Variants in FMR1NB observed in about 807,000 individuals in gnomAD.
FMR1NB encodes FMR1 neighbor protein.
Under a neutral mutation model 16.8 loss-of-function variants are expected in FMR1NB, and 10 were observed. That is an observed-to-expected ratio of 0.60 (90% CI 0.37 to 1.01). FMR1NB has a LOEUF of 1.01. Ranked by LOEUF, FMR1NB falls within the 50% of genes least tolerant of loss-of-function variation. The pLI is 0.01. For synonymous variants in FMR1NB, 83 were observed against 79.1 expected, an observed-to-expected ratio of 1.05 and a Z score of -0.26; for missense variants, 205 against 204.8, an observed-to-expected ratio of 1.00 and a Z score of 0.00.
At chrX:148,025,956 C>T (rs964421615) in intron 5 of FMR1NB, 1 of 110,426 alleles carries the variant, frequency 9.1e-6, no homozygotes, top group Non-Finnish European at 1.9e-5. Flanking sequence ...TTCATTTCAC[C>T]AATCTTCAGA....
intron 2 of FMR1NB, 130 bp downstream of exon 2, chrX:148,003,450 T>C: frequency 1.4e-6 from 1 of 708,680 alleles, no homozygotes; most frequent in Non-Finnish European, 2.0e-6. Flanking sequence ...CTGGCTCTGC[T>C]CTTTGGCTTA....
chrX:147,984,582 ATTAAT>A (rs1557186921), intron 1 of FMR1NB, among the ~76,000 whole-genome samples: 1 of 112,186 alleles, frequency 8.9e-6, no homozygotes, highest in Non-Finnish European at 1.9e-5. Context: ...AAATTGTGAA[ATTAAT>A]TTATTAGCTC....
Position 147,986,864 on chromosome X carries a change from A to G in FMR1NB, c.277+5185A>G, listed in dbSNP as rs782494685. Reference sequence around the variant, plus strand: ...TTTTCTAGTTCTGTGAAGAAAGCCAATGGTATCTTGATGGGAATAGCAACG... The same window carrying G: ...TTTTCTAGTTCTGTGAAGAAAGCCAGTGGTATCTTGATGGGAATAGCAACG... On this transcript the variant is annotated intron_variant, in intron 1 of 5. Coordinates refer to ENST00000370467, the MANE Select transcript of FMR1NB (RefSeq NM_152578.3). 8.0e-5 allele frequency among the ~76,000 whole-genome samples: 9 copies of G among 111,819 alleles called. No individual in the cohort carries two copies. In the East Asian group the frequency reaches 1.7e-3, roughly 21 times the overall value.
Position 147,981,538 on chromosome X carries a change from G to A in FMR1NB, c.136G>A (p.Glu46Lys), listed in dbSNP as rs149919226. ...TCCCGAGAGCAGCCATCCTGGATAC[G>A]AGGCCGCCATGGCTGACAGGCCTCA... Reference protein sequence around the residue: ...SNPESSHPGYEAAMADRPQPG... With the variant: ...SNPESSHPGYKAAMADRPQPG... The change falls in exon 1 of 6, where the codon GAG becomes AAG. Residue 46 changes from glutamate (E) to lysine (K), a missense_variant. Transcript: ENST00000370467. The A allele has an allele frequency of 1.7e-5, 21 of 1,210,161 alleles. No homozygotes were observed. The African/African-American group carries it at 3.0e-4, about 17-fold the overall frequency.
intron 4 of FMR1NB, among the ~76,000 whole-genome samples, chrX:148,011,664 G>A (rs782004919): frequency 6.3e-5 from 7 of 111,631 alleles, no homozygotes; most frequent in Non-Finnish European, 1.3e-4. Flanking sequence ...TAGAGGTGCC[G>A]TTTCAGGTCG....
At chrX:147,986,718 T>C (rs1450268084) in intron 1 of FMR1NB, among the ~76,000 whole-genome samples, 1 of 111,850 alleles carries the variant, frequency 8.9e-6, no homozygotes, top group East Asian at 2.8e-4. Flanking sequence ...TTTTGGTTAC[T>C]GTAGTCTTGT....
intron 1 of FMR1NB, among the ~76,000 whole-genome samples, chrX:147,986,413 G>T (rs782783656): frequency 8.9e-6 from 1 of 112,104 alleles, no homozygotes; most frequent in South Asian, 3.7e-4. Flanking sequence ...GTCCTGAATG[G>T]TATTGCCTAG....
intron 1 of FMR1NB, among the ~76,000 whole-genome samples, chrX:147,991,236 TCTC>T (rs1269422517): frequency 9.1e-6 from 1 of 110,003 alleles, no homozygotes; most frequent in African/African-American, 3.3e-5. Context: ...TTCTCCCTCA[TCTC>T]CTCTCACAAG....
chrX:148,009,566 G>A (rs1250740918), intron 4 of FMR1NB, among the ~76,000 whole-genome samples: 1 of 108,061 alleles, frequency 9.3e-6, no homozygotes, highest in Non-Finnish European at 1.9e-5. Context: ...GGGTATAGAG[G>A]TACAGAGCAC....
chrX:148,011,076 C>A (rs1306998725), intron 4 of FMR1NB, among the ~76,000 whole-genome samples: 2 of 110,561 alleles, frequency 1.8e-5, no homozygotes, highest in Admixed American at 9.7e-5. Context: ...CCAGCCTGAA[C>A]AACATGGTGA....
At chrX:148,003,075 G>A in intron 1 of FMR1NB, 126 bp from the exon 2 acceptor site, 2 of 715,334 alleles carry the variant, frequency 2.8e-6, no homozygotes, top group East Asian at 3.3e-5. Context: ...GTTATGAGAT[G>A]AAAGTATATC....
chrX:148,016,839 T>A (rs2124626647), intron 4 of FMR1NB, among the ~76,000 whole-genome samples: 1 of 111,243 alleles, frequency 9.0e-6, no homozygotes, highest in Admixed American at 9.6e-5. Context: ...TTGTTGCAGT[T>A]AATATTTTTG....
chrX:148,026,141 T>C (rs1362878850), intron 5 of FMR1NB: 1 of 111,729 alleles, frequency 9.0e-6, no homozygotes, highest in Non-Finnish European at 1.9e-5. Context: ...TATTACCTTG[T>C]ATTAGTTTAA....
intron 4 of FMR1NB, among the ~76,000 whole-genome samples, chrX:148,018,192 C>T (rs2044660251): frequency 1.8e-5 from 2 of 111,256 alleles, no homozygotes; most frequent in East Asian, 2.8e-4. Context: ...CACATCCTCT[C>T]CAGCACCTGT....
intron 1 of FMR1NB, 132 bp from the exon 2 acceptor site, chrX:148,003,069 T>A (rs947896319): frequency 1.2e-5 from 8 of 668,466 alleles, no homozygotes; most frequent in Non-Finnish European, 1.8e-5. Flanking sequence ...TAAGCTGTTA[T>A]GAGATGAAAG....
At chrX:148,018,110 G>A (rs868924239) in intron 4 of FMR1NB, among the ~76,000 whole-genome samples, 20 of 109,712 alleles carry the variant, frequency 1.8e-4, no homozygotes, top group African/African-American at 4.7e-4. Context: ...CTGAGGAATC[G>A]CCACACTGAC....
chrX:148,005,853 G>T (rs781975467), intron 2 of FMR1NB, among the ~76,000 whole-genome samples: 1 of 112,074 alleles, frequency 8.9e-6, no homozygotes, highest in Non-Finnish European at 1.9e-5. Flanking sequence ...GTTGTTCTTT[G>T]CTGATGTTGA....
chrX:148,001,398 G>A (rs782555270), intron 1 of FMR1NB, among the ~76,000 whole-genome samples: 1 of 111,746 alleles, frequency 8.9e-6, no homozygotes, highest in African/African-American at 3.2e-5. Flanking sequence ...TTGACAAAAC[G>A]ATTTTAAGGT....
At chrX:148,017,442 G>A (rs2044655220) in intron 4 of FMR1NB, among the ~76,000 whole-genome samples, 1 of 110,348 alleles carries the variant, frequency 9.1e-6, no homozygotes, top group African/African-American at 3.3e-5. Flanking sequence ...TGTTATTATT[G>A]CTTTGAACAA....
Sources: allele counts gnomAD v4.1 joint callset (sites outside exome capture counted in the v4.1 genomes callset), GRCh38; gene constraint gnomAD v4.1.1; transcripts MANE v1.5; gene names NCBI Gene and HGNC (gene_info 2026-07-23, HGNC 2026-07-21).